THSD4: variants seen among roughly 807,000 people sequenced by gnomAD.
The protein encoded by THSD4 is thrombospondin type 1 domain containing 4, also known as thrombospondin type-1 domain-containing protein 4.
THSD4 carries 69 observed loss-of-function variants against 119.0 expected under a neutral mutation model. The ratio of observed to expected loss-of-function variants is 0.58; its 90% CI spans 0.48 to 0.71. THSD4 has a LOEUF of 0.71. Among genes scored for constraint, THSD4 ranks in the 30% least tolerant of loss-of-function variants. THSD4 has a pLI of 0.00. For synonymous variants in THSD4, 524 were observed against 540.4 expected (o/e 0.97, Z 0.42); for missense variants, 1,393 against 1,391.1 (o/e 1.00, Z -0.02).
intron 6 of THSD4, among the ~76,000 whole-genome samples, chr15:71,355,856 G>C (rs553054361): frequency 9.4e-4 from 114 of 120,756 alleles, no homozygotes; most frequent in Middle Eastern, 4.1e-3. Flanking sequence ...TCTAATTTAG[G>C]TTTTTCTTAT....
Position 71,243,072 on chromosome 15 carries a change from G to A in THSD4, c.888G>A (p.Arg296=), listed in dbSNP as rs768705401. 3.7e-6 allele frequency: 6 copies of A among 1,613,636 alleles called. No individual in the cohort carries two copies. Among genetic ancestry groups the A allele is most frequent in the African/African-American group, 1.3e-5 (1 of 74,908 alleles). Residue 296 remains arginine, a synonymous_variant, in exon 5 of 18, where the codon CGG becomes CGA. Transcript: ENST00000261862. Reference sequence around the variant, plus strand: ...CAATCTCATGCATCGGGGCCTATCGGCAGTACAAGCTGTGCAACACCAACG... The same window carrying A: ...CAATCTCATGCATCGGGGCCTATCGACAGTACAAGCTGTGCAACACCAACG... ...STAISCIGAY[R]QYKLCNTNVC... is the part of the protein sequence containing the mutation.
At chr15:71,459,382 C>CTCTCTCTGTCTCTCTGTCTCTCTG (rs2047392157) in intron 7 of THSD4, among the ~76,000 whole-genome samples, 8 of 127,074 alleles carry the variant, frequency 6.3e-5, no homozygotes, top group African/African-American at 2.2e-4. Context: ...GTCTCTCTGT[C>CTCTCTCTGTCTCTCTGTCTCTCTG]TCTCTCTCTC....
At chr15:71,154,715 C>A (rs1250582274) in intron 2 of THSD4, 148 bp from the exon 3 acceptor site, 2 of 763,640 alleles carry the variant, frequency 2.6e-6, no homozygotes, top group Admixed American at 2.0e-5. Context: ...TTGGGGCCAA[C>A]ACTTTGTGTC....
Position 71,215,374 on chromosome 15 carries a change from G to T in THSD4, c.439G>T (p.Gly147Cys), listed in dbSNP as rs930116181. 347 of 1,531,626 alleles carry T rather than the reference G, an allele frequency of 2.3e-4. No individual in the cohort carries two copies. Among genetic ancestry groups the T allele is most frequent in the Non-Finnish European group, 2.8e-4 (317 of 1,144,976 alleles). 94.9% of individuals were successfully genotyped at this position (1,531,626 alleles called of 1,614,324 possible). ...LRGSRHPQPQ[G>C]LEVTGDRRSR... ...AGGCAGCCGGCACCCACAGCCCCAG[G>T]GCCTCGAAGTCACTGGGGACAGAAG... The change falls in exon 4 of 18, where the codon GGC (glycine) becomes TGC (cysteine). Residue 147 changes from glycine to cysteine, a missense_variant. Physicochemically the swap from Gly to Cys is radical, Grantham distance 159 (BLOSUM62 -3). Transcript: ENST00000261862.
rs78085164 is a variant in THSD4, at chr15:71,133,402, T to C, written c.-79-8047T>C. On this transcript the variant is annotated intron_variant, in intron 1 of 17. Coordinates refer to ENST00000261862, the MANE Select transcript of THSD4 (RefSeq NM_024817.3). ...CCCACCTGAGTTTGAATGGAAGACCTTTCTGTCATCGGGAACACCTGCTGC... is the reference window on the plus strand; with the variant it reads ...CCCACCTGAGTTTGAATGGAAGACCCTTCTGTCATCGGGAACACCTGCTGC... 9.2e-5 allele frequency among the ~76,000 whole-genome samples: 14 copies of C among 152,328 alleles called. No individual in the cohort carries two copies. In the East Asian group the frequency reaches 2.7e-3, roughly 29 times the overall value.
At chr15:71,432,524 CTTT>C (rs59086141) in intron 7 of THSD4, among the ~76,000 whole-genome samples, 19 of 129,932 alleles carry the variant, frequency 1.5e-4, no homozygotes, top group Non-Finnish European at 2.4e-4. Flanking sequence ...TCCCTCCCTT[CTTT>C]TTTTTTTTTT....
At chr15:71,106,925 T>A (rs1051930550) in intron 1 of THSD4, among the ~76,000 whole-genome samples, 2 of 152,042 alleles carry the variant, frequency 1.3e-5, no homozygotes, top group Non-Finnish European at 2.9e-5. Context: ...GCAAGTCACC[T>A]GGCCACATTT....
intron 8 of THSD4, among the ~76,000 whole-genome samples, chr15:71,724,160 T>A (rs376031295): frequency 4.7e-5 from 7 of 147,434 alleles, no homozygotes; most frequent in African/African-American, 1.5e-4. Flanking sequence ...GAAGATGATG[T>A]TGTAGATGGG....
At chr15:71,198,501 T>C (rs989088106) in intron 3 of THSD4, among the ~76,000 whole-genome samples, 2 of 152,204 alleles carry the variant, frequency 1.3e-5, no homozygotes, top group Non-Finnish European at 2.9e-5. Flanking sequence ...GGGAGGACCT[T>C]CAGGGGTCAC....
At chr15:71,533,743 A>AG (rs2048649120) in intron 7 of THSD4, among the ~76,000 whole-genome samples, 1 of 152,178 alleles carries the variant, frequency 6.6e-6, no homozygotes, top group Non-Finnish European at 1.5e-5. Flanking sequence ...TAAAGGTGGA[A>AG]GAAGACCAAG....
chr15:71,590,565 G>A lies in THSD4; in HGVS notation c.1153-69965G>A, dbSNP rs184076987. The stretch of plus-strand genomic sequence containing the variant: ...TGGGGCCTGTCAGAACGGGTGGGTG[G>A]GGGGAGGGAGAGCATCAGGAAGAAT... On this transcript the variant is annotated intron_variant, in intron 7 of 17. Transcript: ENST00000261862. Among the ~76,000 whole-genome samples, 5 of 88,486 alleles carry A rather than the reference G, an allele frequency of 5.7e-5. 2 individuals carry two copies. The highest frequency in any genetic ancestry group is 8.4e-5 in the Non-Finnish European group (3 of 35,508). 58.1% of individuals were successfully genotyped at this position (88,486 alleles called of 152,430 possible). A position where few individuals can be genotyped will look rare whatever the true frequency, so the allele number is the denominator to read the frequency against.
intron 7 of THSD4, among the ~76,000 whole-genome samples, chr15:71,519,513 C>G (rs957484563): frequency 1.3e-5 from 2 of 152,150 alleles, no homozygotes; most frequent in East Asian, 1.9e-4. Context: ...AGGTGCCCAC[C>G]ACCACACCTA....
chr15:71,519,572 G>T (rs982070610), intron 7 of THSD4, among the ~76,000 whole-genome samples: 3 of 152,152 alleles, frequency 2.0e-5, no homozygotes, highest in East Asian at 1.9e-4. Flanking sequence ...GTGTTGGCCA[G>T]GTTGGTCTCA....
At chr15:71,138,859 TTGG>T (rs1319858607) in intron 1 of THSD4, among the ~76,000 whole-genome samples, 8 of 150,372 alleles carry the variant, frequency 5.3e-5, no homozygotes, top group Non-Finnish European at 1.2e-4. Context: ...CTGTAATTTC[TTGG>T]TGTGTGTGTG....
chr15:71,452,739 C>G (rs937983235), intron 7 of THSD4, among the ~76,000 whole-genome samples: 2 of 152,130 alleles, frequency 1.3e-5, no homozygotes, highest in African/African-American at 4.8e-5. Flanking sequence ...CCTCAGCCTC[C>G]CACGTAGCTG....
intron 7 of THSD4, among the ~76,000 whole-genome samples, chr15:71,545,941 G>A (rs550328295): frequency 6.6e-6 from 1 of 152,292 alleles, no homozygotes; most frequent in Non-Finnish European, 1.5e-5. Flanking sequence ...GCAGGAAAAT[G>A]CTCATAACCT....
intron 3 of THSD4, among the ~76,000 whole-genome samples, chr15:71,180,687 A>G (rs2043511736): frequency 6.6e-6 from 1 of 152,238 alleles, no homozygotes; most frequent in Non-Finnish European, 1.5e-5. Flanking sequence ...GTACAGTATC[A>G]TTCCATGTAT....
intron 5 of THSD4, among the ~76,000 whole-genome samples, chr15:71,252,866 TATCATCATC>T (rs56093539): frequency 4.6e-5 from 7 of 151,136 alleles, no homozygotes; most frequent in Admixed American, 1.3e-4. Flanking sequence ...AAAAGTTAGG[TATCATCATC>T]ATCATCATCA....
At chr15:71,758,188 C>T in intron 15 of THSD4, 113 bp downstream of exon 15, 3 of 1,277,328 alleles carry the variant, frequency 2.3e-6, no homozygotes, top group East Asian at 2.6e-5. Context: ...CCCAGCAGTG[C>T]CACTGTCTAT....
Sources: allele counts gnomAD v4.1 joint callset (sites outside exome capture counted in the v4.1 genomes callset), GRCh38; gene constraint gnomAD v4.1.1; transcripts MANE v1.5; gene names NCBI Gene and HGNC (gene_info 2026-07-23, HGNC 2026-07-21).